The following SND1 variants were observed in gnomAD, a reference collection of about 807,000 sequenced individuals.
The protein encoded by SND1 is staphylococcal nuclease and tudor domain containing 1, also known as staphylococcal nuclease domain-containing protein 1.
SND1 carries 38 observed loss-of-function variants against 121.7 expected under a neutral mutation model. The observed-to-expected ratio is 0.31, with a 90% CI of 0.24 to 0.41. The LOEUF (loss-of-function observed/expected upper bound fraction) is 0.41. SND1 is among the 10% of genes least tolerant of loss of function. SND1 has a pLI of 1.00. For synonymous variants in SND1, 401 were observed against 447.4 expected, an observed-to-expected ratio of 0.90 and a Z score of 1.31; for missense variants, 868 against 1,184.6, an observed-to-expected ratio of 0.73 and a Z score of 3.92.
At chr7:127,855,503 G>GT (rs373166679) in intron 12 of SND1, among the ~76,000 whole-genome samples, 42,921 of 151,504 alleles carry the variant, frequency 0.28, 7,598 homozygotes, top group East Asian at 0.7. Context: ...ATGGGCCTTA[G>GT]TTTTTTTTGT....
intron 13 of SND1, among the ~76,000 whole-genome samples, chr7:127,890,990 A>G (rs1388658985): frequency 2.0e-5 from 3 of 152,140 alleles, no homozygotes; most frequent in African/African-American, 7.2e-5. Context: ...AAGGAAATAC[A>G]GGCCCCATAA....
At chr7:127,661,666 C>T (rs1238958476) in intron 1 of SND1, among the ~76,000 whole-genome samples, 1 of 152,132 alleles carries the variant, frequency 6.6e-6, no homozygotes, top group Non-Finnish European at 1.5e-5. Flanking sequence ...CCCTTGATGG[C>T]CTTTTTTCAT....
chr7:127,947,002 A>G (rs1331316063), intron 15 of SND1, among the ~76,000 whole-genome samples: 1 of 151,918 alleles, frequency 6.6e-6, no homozygotes, highest in African/African-American at 2.4e-5. Flanking sequence ...TATTTTTTCT[A>G]GAAGTTCAAG....
chr7:127,728,422 C>T (rs189247900), intron 10 of SND1, among the ~76,000 whole-genome samples: 199 of 152,330 alleles, frequency 1.3e-3, no homozygotes, highest in African/African-American at 4.5e-3. Flanking sequence ...TCGTGAGCTG[C>T]AGTAATTCTG....
chr7:128,029,102 G>A lies in SND1; in HGVS notation c.1779+38046G>A, dbSNP rs766036491. 6.8e-6 allele frequency: 11 copies of A among 1,614,042 alleles called. No homozygotes were observed. Among genetic ancestry groups the A allele is most frequent in the South Asian group, 1.1e-5 (1 of 91,076 alleles). Reference sequence around the variant, plus strand: ...CTTCATCCAGGCTGGTCTGCATCTTGTCAGTGGTGTCTGTCGCGGGTACTG... The same window carrying A: ...CTTCATCCAGGCTGGTCTGCATCTTATCAGTGGTGTCTGTCGCGGGTACTG... On this transcript the variant is annotated intron_variant, in intron 16 of 23. Coordinates refer to ENST00000354725, the MANE Select transcript of SND1 (RefSeq NM_014390.4). The surrounding 1 kb of genome is among the most constrained non-coding windows in gnomAD (Gnocchi z 4.2).
chr7:127,799,698 A>G (rs900255894), intron 10 of SND1, among the ~76,000 whole-genome samples: 3 of 152,186 alleles, frequency 2.0e-5, no homozygotes, highest in African/African-American at 7.2e-5. Context: ...GATATGCTAA[A>G]TGTATTGCGT....
chr7:127,785,695 TATTC>T (rs1173529760), intron 10 of SND1, among the ~76,000 whole-genome samples: 4 of 152,356 alleles, frequency 2.6e-5, no homozygotes, highest in Non-Finnish European at 2.9e-5. Flanking sequence ...TTCTCATAGT[TATTC>T]ATTGTATACT....
chr7:127,881,076 AT>A (rs1414454467), intron 12 of SND1, among the ~76,000 whole-genome samples: 9 of 152,194 alleles, frequency 5.9e-5, no homozygotes, highest in Non-Finnish European at 1.5e-5. Flanking sequence ...GCTCTGAGGG[AT>A]TAACCTGGGA....
chr7:127,829,773 A>G (rs1327194449), intron 11 of SND1, among the ~76,000 whole-genome samples: 1 of 152,214 alleles, frequency 6.6e-6, no homozygotes, highest in Non-Finnish European at 1.5e-5. Context: ...ACTTGTCCCA[A>G]GTAAAAGAAT....
intron 15 of SND1, among the ~76,000 whole-genome samples, chr7:127,953,952 T>C (rs1458459716): frequency 6.6e-6 from 1 of 152,244 alleles, no homozygotes; most frequent in African/African-American, 2.4e-5. Context: ...TTGATTACTG[T>C]AAGGCAGTGT....
rs895322257 is a variant in SND1, at chr7:128,030,121, T to G, written c.1779+39065T>G. 4.3e-6 allele frequency: 7 copies of G among 1,613,930 alleles called. No homozygotes were observed. The African/African-American group carries it at 9.3e-5, about 22-fold the overall frequency. ...TTGAGCTCCCCCAAGTCCAGGCGCA[T>G]GAGGGAGGGCACCCGGTTGAAGGCG... On this transcript the variant is annotated intron_variant, in intron 16 of 23. Transcript: ENST00000354725.
At chr7:127,686,916 G>C (rs1305858741) in intron 2 of SND1, 154 bp downstream of exon 2, 6 of 800,930 alleles carry the variant, frequency 7.5e-6, no homozygotes, top group Non-Finnish European at 1.1e-5. Context: ...CAAGCAGCTT[G>C]TATCTGTTGT....
At chr7:127,691,875 A>G (rs1010707504) in intron 2 of SND1, among the ~76,000 whole-genome samples, 5 of 149,978 alleles carry the variant, frequency 3.3e-5, no homozygotes, top group Non-Finnish European at 7.4e-5. Context: ...GTGACCTGCC[A>G]AGAGTCTTGG....
intron 16 of SND1, among the ~76,000 whole-genome samples, chr7:128,041,750 G>A (rs1792858485): frequency 6.6e-6 from 1 of 152,166 alleles, no homozygotes; most frequent in Non-Finnish European, 1.5e-5. Context: ...CTCACAGGTA[G>A]ATTTGTTTGC....
chr7:127,791,164 G>A, intron 10 of SND1, among the ~76,000 whole-genome samples: 1 of 38,562 alleles, frequency 2.6e-5, no homozygotes, highest in East Asian at 7.7e-4. Flanking sequence ...TTTTTTTTTT[G>A]AGGCAGGGTC....
intron 15 of SND1, among the ~76,000 whole-genome samples, chr7:127,962,193 T>C (rs1007012335): frequency 2.0e-5 from 3 of 152,158 alleles, no homozygotes; most frequent in Non-Finnish European, 4.4e-5. Flanking sequence ...ATTGCTGTGC[T>C]GGAAGGAAGA....
intron 16 of SND1, among the ~76,000 whole-genome samples, chr7:128,050,470 T>A (rs765078208): frequency 1.1e-4 from 16 of 152,372 alleles, no homozygotes; most frequent in Non-Finnish European, 1.9e-4. Context: ...ACGTGAGCAG[T>A]TCAGTTACTG....
chr7:127,854,705 G>A (rs1397477742), intron 12 of SND1, among the ~76,000 whole-genome samples: 1 of 151,848 alleles, frequency 6.6e-6, no homozygotes, highest in East Asian at 1.9e-4. Flanking sequence ...CATTTGACAT[G>A]GTTACCAATA....
At chr7:127,776,088 G>A (rs1797615590) in intron 10 of SND1, among the ~76,000 whole-genome samples, 1 of 152,158 alleles carries the variant, frequency 6.6e-6, no homozygotes, top group Non-Finnish European at 1.5e-5. Context: ...AGTGTTTTGT[G>A]ACTGGGTAGT....
Sources: allele counts gnomAD v4.1 joint callset (sites outside exome capture counted in the v4.1 genomes callset), GRCh38; gene constraint gnomAD v4.1.1; non-coding constraint Gnocchi (gnomAD v3.1); transcripts MANE v1.5; gene names NCBI Gene and HGNC (gene_info 2026-07-23, HGNC 2026-07-21).